Variants in KCNH1 observed in about 807,000 individuals in gnomAD.
KCNH1 encodes the protein potassium voltage-gated channel subfamily H member 1.
A neutral mutation model predicts 69.2 loss-of-function variants in KCNH1; 27 were observed. That is an observed-to-expected ratio of 0.39 (90% CI 0.29 to 0.54). The LOEUF is 0.54. KCNH1 is among the 20% of genes least tolerant of loss of function. KCNH1 has a pLI of 0.68. For missense variants in KCNH1, 798 were observed against 1,261.6 expected, an observed-to-expected ratio of 0.63 and a Z score of 5.57; for synonymous variants, 456 against 487.7, an observed-to-expected ratio of 0.93 and a Z score of 0.86.
chr1:210,976,203 G>C (rs2102372488), intron 6 of KCNH1, among the ~76,000 whole-genome samples: 1 of 152,192 alleles, frequency 6.6e-6, no homozygotes, highest in East Asian at 1.9e-4. Flanking sequence ...GATTCCTCAA[G>C]GATCTAGAAC....
intron 1 of KCNH1, among the ~76,000 whole-genome samples, chr1:211,113,595 C>A (rs1470593014): frequency 1.3e-5 from 2 of 152,128 alleles, no homozygotes; most frequent in East Asian, 1.9e-4. Context: ...AAACTTTGTG[C>A]CTGGCTCCCC....
intron 6 of KCNH1, among the ~76,000 whole-genome samples, chr1:210,947,758 T>C (rs1687987299): frequency 6.6e-6 from 1 of 152,140 alleles, no homozygotes; most frequent in Non-Finnish European, 1.5e-5. Context: ...AAATTATAAG[T>C]TATCAGAAAA....
At chr1:210,837,190 A>C (rs145603339) in intron 7 of KCNH1, among the ~76,000 whole-genome samples, 1 of 152,306 alleles carries the variant, frequency 6.6e-6, no homozygotes, top group Non-Finnish European at 1.5e-5. Flanking sequence ...CTCAGTCTGC[A>C]GTCTGGCTAA....
chr1:211,092,271 G>C (rs1194197936), intron 3 of KCNH1, among the ~76,000 whole-genome samples: 1 of 152,138 alleles, frequency 6.6e-6, no homozygotes, highest in Non-Finnish European at 1.5e-5. Flanking sequence ...AAACACCAGG[G>C]ACAGACAGAC....
At chr1:210,940,340 C>A (rs1312243255) in intron 6 of KCNH1, among the ~76,000 whole-genome samples, 1 of 152,206 alleles carries the variant, frequency 6.6e-6, no homozygotes, top group Non-Finnish European at 1.5e-5. Flanking sequence ...CAGCAGCAAG[C>A]ACAAGTTAGC....
chr1:210,890,551 A>G (rs1686721766), intron 7 of KCNH1, among the ~76,000 whole-genome samples: 5 of 152,224 alleles, frequency 3.3e-5, no homozygotes, highest in Admixed American at 2.0e-4. Context: ...AATGGGATCT[A>G]ATTAAACTAA....
intron 6 of KCNH1, among the ~76,000 whole-genome samples, chr1:210,985,205 C>T (rs1230588669): frequency 6.6e-6 from 1 of 152,050 alleles, no homozygotes. Flanking sequence ...AGTAGTCTAT[C>T]AATTTTGTTG....
intron 7 of KCNH1, among the ~76,000 whole-genome samples, chr1:210,863,884 C>T (rs1254950653): frequency 6.6e-6 from 1 of 152,198 alleles, no homozygotes; most frequent in East Asian, 1.9e-4. Context: ...GACCTCTCCC[C>T]TGTCATGTAG....
chr1:210,764,625 C>T (rs1466487227), intron 10 of KCNH1, among the ~76,000 whole-genome samples: 4 of 152,138 alleles, frequency 2.6e-5, no homozygotes, highest in Non-Finnish European at 5.9e-5. Flanking sequence ...TTCAACATCA[C>T]TATCATCAAA....
intron 5 of KCNH1, among the ~76,000 whole-genome samples, chr1:211,054,528 T>C (rs945170588): frequency 3.9e-5 from 6 of 152,096 alleles, no homozygotes; most frequent in Admixed American, 6.5e-5. Context: ...GTAAAATATA[T>C]ATTGATAAAT....
intron 7 of KCNH1, among the ~76,000 whole-genome samples, chr1:210,911,895 T>C (rs1024317965): frequency 6.6e-6 from 1 of 152,082 alleles, no homozygotes; most frequent in Non-Finnish European, 1.5e-5. Context: ...ATCTCTCCAC[T>C]GCCCTCTTTC....
At position 210,797,521 on chromosome 1, in the gene KCNH1, C is replaced by T. The variant is rs1486511788; in HGVS notation, c.1902G>A (p.Val634=). 1.2e-6 allele frequency: 2 copies of T among 1,614,034 alleles called. No individual in the cohort carries two copies. The highest frequency in any genetic ancestry group is 1.7e-6 in the Non-Finnish European group (2 of 1,180,006). Reference sequence around the variant, plus strand: ...GCCAACACCTACCTAGAATGGCCACCACCTCATCATCTTGGATCACCTCCA... The same window carrying T: ...GCCAACACCTACCTAGAATGGCCACTACCTCATCATCTTGGATCACCTCCA... ...GSLEVIQDDE[V]VAILGKGDVF... Residue 634 remains valine, a synonymous_variant, in exon 9 of 11, where the codon GTG becomes GTA. Coordinates refer to ENST00000271751, the MANE Select transcript of KCNH1 (RefSeq NM_172362.3).
intron 10 of KCNH1, among the ~76,000 whole-genome samples, chr1:210,704,568 C>G (rs751438246): frequency 6.6e-6 from 1 of 152,148 alleles, no homozygotes; most frequent in Non-Finnish European, 1.5e-5. Context: ...GACAGAAAGC[C>G]AGCACACACA....
At chr1:211,070,639 CA>C (rs1463661580) in intron 5 of KCNH1, among the ~76,000 whole-genome samples, 2 of 151,926 alleles carry the variant, frequency 1.3e-5, no homozygotes, top group African/African-American at 4.8e-5. Flanking sequence ...GCCCGGCCAA[CA>C]TGGCGAAACC....
intron 7 of KCNH1, among the ~76,000 whole-genome samples, chr1:210,917,095 C>T (rs547590606): frequency 1.3e-5 from 2 of 151,468 alleles, no homozygotes; most frequent in East Asian, 1.9e-4. Context: ...TTGCAGTGAG[C>T]CTATCATACC....
At chr1:211,036,213 A>G (rs1476224013) in intron 5 of KCNH1, among the ~76,000 whole-genome samples, 1 of 152,168 alleles carries the variant, frequency 6.6e-6, no homozygotes, top group Non-Finnish European at 1.5e-5. Flanking sequence ...AGAGTTGGCC[A>G]TCAAAAAGCA....
intron 7 of KCNH1, among the ~76,000 whole-genome samples, chr1:210,911,631 CAAA>C (rs61661527): frequency 1.5e-4 from 16 of 104,924 alleles, no homozygotes; most frequent in Non-Finnish European, 2.4e-4. Context: ...ATTTTCAAAG[CAAA>C]AAAAAAAAAA....
intron 6 of KCNH1, among the ~76,000 whole-genome samples, chr1:210,936,256 A>C (rs533706366): frequency 8.5e-5 from 13 of 152,196 alleles, no homozygotes; most frequent in Admixed American, 5.9e-4. Context: ...TCTCCAGCTA[A>C]AGACCTCCTT....
intron 6 of KCNH1, among the ~76,000 whole-genome samples, chr1:210,984,843 A>G (rs1161529773): frequency 6.6e-6 from 1 of 152,192 alleles, no homozygotes; most frequent in Non-Finnish European, 1.5e-5. Context: ...TGATTGGAAT[A>G]GTTTCAGAAG....
Sources: gnomAD v4.1 joint callset for allele counts (sites outside exome capture counted in the v4.1 genomes callset) on GRCh38, gnomAD v4.1.1 for gene constraint, MANE v1.5 for transcripts, NCBI Gene and HGNC (gene_info 2026-07-23, HGNC 2026-07-21) for gene names.